The following RAB3B variants were observed in gnomAD, a reference collection of about 807,000 sequenced individuals.
RAB3B encodes ras-related protein Rab-3B.
Under a neutral mutation model 20.5 loss-of-function variants are expected in RAB3B, and 11 were observed. That is an observed-to-expected ratio of 0.54 (90% CI 0.34 to 0.89). The LOEUF is 0.89. RAB3B is among the 40% of genes least tolerant of loss of function. RAB3B has a pLI of 0.02. For missense variants in RAB3B, 225 were observed against 280.9 expected, an observed-to-expected ratio of 0.80 and a Z score of 1.42; for synonymous variants, 99 against 106.3, an observed-to-expected ratio of 0.93 and a Z score of 0.42.
intron 2 of RAB3B, among the ~76,000 whole-genome samples, chr1:51,969,326 G>T (rs139856205): frequency 2.9e-4 from 44 of 152,328 alleles, no homozygotes; most frequent in African/African-American, 8.7e-4. Flanking sequence ...TTAAAAAAGA[G>T]CTGTTGGAGG....
Position 51,915,348 on chromosome 1 carries a change from T to C in RAB3B, c.*4579A>G, listed in dbSNP as rs1684068440. 6.6e-6 allele frequency: 1 copy of C among 152,120 alleles called. No individual in the cohort carries two copies. The highest frequency in any genetic ancestry group is 1.5e-5 in the Non-Finnish European group (1 of 68,022). 9.4% of individuals were successfully genotyped at this position (152,120 alleles called of 1,614,324 possible). A position where few individuals can be genotyped will look rare whatever the true frequency, so the allele number is the denominator to read the frequency against. ...TTCTTAGAGGTGATCCAGGACCTAG[T>C]CCTGGCTCCATCACTGTGATACTCT... On this transcript the variant is annotated 3_prime_UTR_variant, in exon 5 of 5. Transcript: ENST00000371655.
chr1:51,925,053 T>A (rs564830369), intron 4 of RAB3B, among the ~76,000 whole-genome samples: 1 of 152,308 alleles, frequency 6.6e-6, no homozygotes, highest in Non-Finnish European at 1.5e-5. Context: ...AAGGCAGCTG[T>A]CACAGACCCA....
In RAB3B at chr1:51,917,983, A is replaced by C. The variant is rs1391713827; in HGVS notation, c.*1944T>G. On this transcript the variant is annotated 3_prime_UTR_variant, in exon 5 of 5. Transcript: ENST00000371655. ...TGACTTTTGAGGTGGCTGAGGATTC[A>C]GGCCATGATAGAGAAGAAAGGTTTT... is the stretch of plus-strand genomic sequence containing the variant. 6 of 152,258 alleles carry C rather than the reference A, an allele frequency of 3.9e-5. No homozygotes were observed. 9.4% of individuals were successfully genotyped at this position (152,258 alleles called of 1,614,324 possible).
chr1:51,971,010 CAAAAAAAAAAAAA>C (rs3074914), intron 2 of RAB3B, among the ~76,000 whole-genome samples: 5 of 55,714 alleles, frequency 9.0e-5, no homozygotes, highest in South Asian at 6.9e-4. Context: ...GACTCCGTCT[CAAAAAAAAAAAAA>C]AAAAAAAAAA....
chr1:51,955,792 T>C (rs879869434), intron 2 of RAB3B, among the ~76,000 whole-genome samples: 8 of 152,048 alleles, frequency 5.3e-5, no homozygotes, highest in Non-Finnish European at 7.4e-5. Context: ...CTTAACTAGA[T>C]AGAGAAATCA....
rs1364150322 is a variant in RAB3B, at chr1:51,957,753, G to A, written c.228+19137C>T. ...CTCAGATTCCTGGTGAGCTAGAGCT[G>A]TAGGAAAGTGAGAGGAGGGAGGAGC... On this transcript the variant is annotated intron_variant, in intron 2 of 4. Coordinates refer to ENST00000371655, the MANE Select transcript of RAB3B (RefSeq NM_002867.4). Among the ~76,000 whole-genome samples, 6 of 152,170 alleles carry A rather than the reference G, an allele frequency of 3.9e-5. 1 individual carries two copies. In the East Asian group the frequency reaches 9.6e-4, roughly 24 times the overall value.
intron 1 of RAB3B, 47 bp from the exon 2 acceptor site, chr1:51,977,164 C>T: frequency 7.0e-7 from 1 of 1,429,314 alleles, no homozygotes; most frequent in South Asian, 1.2e-5. Context: ...TTCGGTGTCA[C>T]CCTGAGTCAC....
At chr1:51,924,760 G>A (rs372377086) in intron 4 of RAB3B, among the ~76,000 whole-genome samples, 1 of 152,088 alleles carries the variant, frequency 6.6e-6, no homozygotes, top group African/African-American at 2.4e-5. Flanking sequence ...AACCCCAAAT[G>A]CACCCCACCC....
rs1684011052 is a variant in RAB3B at position 51,912,285 on chromosome 1, A to C, written c.*7642T>G. ...GTAGCTGGGACTATAGGTGCAGGCT[A>C]CTTTGCCCAGTTAATTTTTTGTATT... is the stretch of plus-strand genomic sequence containing the variant. On this transcript the variant is annotated 3_prime_UTR_variant, in exon 5 of 5. Coordinates refer to ENST00000371655, the MANE Select transcript of RAB3B (RefSeq NM_002867.4). 1 of 150,846 alleles carries C rather than the reference A, an allele frequency of 6.6e-6. No individual in the cohort carries two copies. The highest frequency in any genetic ancestry group is 2.1e-4 in the South Asian group (1 of 4,790). The allele number at this position is 150,846 out of a possible 1,614,324, so 9.3% of individuals were successfully genotyped here.
rs1482204213 is a variant in RAB3B, at chr1:51,916,056, G to A, written c.*3871C>T. On this transcript the variant is annotated 3_prime_UTR_variant, in exon 5 of 5. Coordinates refer to ENST00000371655, the MANE Select transcript of RAB3B (RefSeq NM_002867.4). ...AGGAAGATTAAATCCAGGACAAGTT[G>A]CCACTAACACATATTACACAGCTTG... 2 of 152,204 alleles carry A rather than the reference G, an allele frequency of 1.3e-5. No individual in the cohort carries two copies. The highest frequency in any genetic ancestry group is 2.4e-5 in the African/African-American group (1 of 41,440). 9.4% of individuals were successfully genotyped at this position (152,204 alleles called of 1,614,324 possible). A position where few individuals can be genotyped will look rare whatever the true frequency, so the allele number is the denominator to read the frequency against.
intron 2 of RAB3B, among the ~76,000 whole-genome samples, chr1:51,964,065 T>G (rs1684816338): frequency 6.6e-6 from 1 of 152,176 alleles, no homozygotes; most frequent in African/African-American, 2.4e-5. Flanking sequence ...AATTGTCTCC[T>G]TTTCTTTAGA....
chr1:51,921,975 C>G (rs1684178566), intron 4 of RAB3B, among the ~76,000 whole-genome samples: 1 of 152,230 alleles, frequency 6.6e-6, no homozygotes, highest in Non-Finnish European at 1.5e-5. Context: ...AGGCACATGC[C>G]ATTCCTGCCA....
chr1:51,942,808 A>C (rs1234003718), intron 2 of RAB3B, among the ~76,000 whole-genome samples: 1 of 152,154 alleles, frequency 6.6e-6, no homozygotes, highest in Non-Finnish European at 1.5e-5. Flanking sequence ...TTCCAACAGT[A>C]TGTGCTCACT....
chr1:51,968,947 G>T (rs1322379580), intron 2 of RAB3B, among the ~76,000 whole-genome samples: 1 of 152,154 alleles, frequency 6.6e-6, no homozygotes, highest in Non-Finnish European at 1.5e-5. Flanking sequence ...TTGTCATTCT[G>T]TCTAACCCTC....
intron 2 of RAB3B, 44 bp downstream of exon 2, chr1:51,976,846 A>G: frequency 5.1e-6 from 8 of 1,565,524 alleles, no homozygotes; most frequent in Non-Finnish European, 7.0e-6. Context: ...CTGGCAGGCC[A>G]GCCGCTTCTC....
chr1:51,958,511 G>A (rs892383525), intron 2 of RAB3B, among the ~76,000 whole-genome samples: 11 of 152,086 alleles, frequency 7.2e-5, no homozygotes, highest in Admixed American at 3.9e-4. Context: ...ATCACCTGAG[G>A]TCAGGAGTTC....
chr1:51,913,919 A>G lies in RAB3B; in HGVS notation c.*6008T>C, dbSNP rs900047463. On this transcript the variant is annotated 3_prime_UTR_variant, in exon 5 of 5. Transcript: ENST00000371655. ...GCTTCGAGGAAACTCCTGCTACCAT[A>G]TGGACAAATCTGGGCAGCCTTCTGG... 6.6e-6 allele frequency: 1 copy of G among 152,152 alleles called. No homozygotes were observed. The highest frequency in any genetic ancestry group is 1.5e-5 in the Non-Finnish European group (1 of 68,058). The allele number at this position is 152,152 out of a possible 1,614,324, so 9.4% of individuals were successfully genotyped here. A position where few individuals can be genotyped will look rare whatever the true frequency, so the allele number is the denominator to read the frequency against.
At chr1:51,934,373 T>C (rs983195258) in intron 3 of RAB3B, among the ~76,000 whole-genome samples, 5 of 152,166 alleles carry the variant, frequency 3.3e-5, no homozygotes, top group African/African-American at 1.2e-4. Context: ...CACCTCCTCC[T>C]ATGTGATTCA....
In RAB3B at chr1:51,983,321, CA is replaced by C. The variant is rs1167720129; in HGVS notation, c.1-6205del. Among the ~76,000 whole-genome samples the C allele has an allele frequency of 2.5e-4, 35 of 141,730 alleles. No homozygotes were observed. In the East Asian group the frequency reaches 3.0e-3, roughly 12 times the overall value. 93.0% of individuals were successfully genotyped at this position (141,730 alleles called of 152,430 possible). A position where few individuals can be genotyped will look rare whatever the true frequency, so the allele number is the denominator to read the frequency against. ...TGGGTGATAGAGCCAGACTTGGTCT[CA>C]AAAAAAAAAACCATCATATTTTTAC... On this transcript the variant is annotated intron_variant, in intron 1 of 4. Transcript: ENST00000371655.
Sources: gnomAD v4.1 joint callset for allele counts (sites outside exome capture counted in the v4.1 genomes callset) on GRCh38, gnomAD v4.1.1 for gene constraint, MANE v1.5 for transcripts, NCBI Gene and HGNC (gene_info 2026-07-23, HGNC 2026-07-21) for gene names.